The following RBM5 variants were observed in gnomAD, a reference collection of about 807,000 sequenced individuals.
RBM5 encodes RNA-binding protein 5.
RBM5 carries 15 observed loss-of-function variants against 124.6 expected under a neutral mutation model. The observed-to-expected ratio is 0.12, with a 90% CI of 0.08 to 0.19. The LOEUF (loss-of-function observed/expected upper bound fraction) is 0.19. Among genes scored for constraint, RBM5 ranks in the 10% least tolerant of loss-of-function variants. The pLI is 1.00. For missense variants in RBM5, 580 were observed against 1,026.5 expected (o/e 0.57, Z 5.94); for synonymous variants, 337 against 361.2 (o/e 0.93, Z 0.76).
rs527777338 is a variant in RBM5 at position 50,104,934 on chromosome 3, T to C, written c.629-143T>C. 42 of 626,640 alleles carry C rather than the reference T, an allele frequency of 6.7e-5. 1 individual carries two copies. In the East Asian group the frequency reaches 1.1e-3, roughly 17 times the overall value. 38.8% of individuals were successfully genotyped at this position (626,640 alleles called of 1,614,324 possible). Reference sequence around the variant, plus strand: ...GTTAACCAAGTCACAATTAATGAGGTTTTACTATAGGCACAAATGCTTAAA... The same window carrying C: ...GTTAACCAAGTCACAATTAATGAGGCTTTACTATAGGCACAAATGCTTAAA... On this transcript the variant is annotated intron_variant, in intron 8 of 24. Transcript: ENST00000347869.
chr3:50,111,012 T>A (rs2091133924), intron 17 of RBM5: 1 of 505,240 alleles, frequency 2.0e-6, no homozygotes, highest in African/African-American at 1.9e-5. Context: ...TGCAATTCTT[T>A]GAATGTTTAT....
intron 4 of RBM5, among the ~76,000 whole-genome samples, chr3:50,096,693 C>T (rs2090823214): frequency 6.6e-6 from 1 of 151,320 alleles, no homozygotes; most frequent in South Asian, 2.1e-4. Context: ...GGGGCTCAGG[C>T]AATCCACCAG....
At position 50,109,903 on chromosome 3, in the gene RBM5, T is replaced by C. The variant is rs2091110943; in HGVS notation, c.1278+215T>C. ...CAACTGTGTATTTACACTTTATGCA[T>C]GCTTGACCTTTAGAAAGTTGTCGCC... On this transcript the variant is annotated intron_variant, in intron 15 of 24. Coordinates refer to ENST00000347869, the MANE Select transcript of RBM5 (RefSeq NM_005778.4). 9 of 455,084 alleles carry C rather than the reference T, an allele frequency of 2.0e-5. No homozygotes were observed. In the East Asian group the frequency reaches 3.0e-4, roughly 15 times the overall value. The allele number at this position is 455,084 out of a possible 1,614,324, so 28.2% of individuals were successfully genotyped here.
chr3:50,099,451 T>A (rs1470795055), intron 4 of RBM5, among the ~76,000 whole-genome samples: 2 of 152,036 alleles, frequency 1.3e-5, no homozygotes, highest in Non-Finnish European at 2.9e-5. Context: ...GGGTCATGCA[T>A]GTAATGATAT....
chr3:50,107,502 G>A lies in RBM5; in HGVS notation c.974G>A (p.Gly325Asp). 6.2e-7 allele frequency: 1 copy of A among 1,606,052 alleles called. No individual in the cohort carries two copies. Among genetic ancestry groups the A allele is most frequent in the Non-Finnish European group, 8.5e-7 (1 of 1,172,844 alleles). The change falls in exon 12 of 25, where the codon GGT becomes GAT. Residue 325 changes from glycine (G) to aspartate (D), a missense_variant. Physicochemically the swap from Gly to Asp is moderately conservative, Grantham distance 94 (BLOSUM62 -1). Transcript: ENST00000347869. Reference protein sequence around the residue: ...SARKDLVLSDGNRVSAFSVAS... With the variant: ...SARKDLVLSDDNRVSAFSVAS... ...TTCAGAGACTTGGTCCTCTCAGATGGTAACCGCGTCAGCGCTTTCTCTGTA... is the reference window on the plus strand; with the variant it reads ...TTCAGAGACTTGGTCCTCTCAGATGATAACCGCGTCAGCGCTTTCTCTGTA...
intron 4 of RBM5, among the ~76,000 whole-genome samples, chr3:50,095,653 G>T (rs1233443603): frequency 6.6e-6 from 1 of 151,688 alleles, no homozygotes. Flanking sequence ...GATCTATCGG[G>T]CAGAGCTTCT....
rs746294216 is a variant in RBM5 at position 50,107,583 on chromosome 3, T to C, written c.1041+14T>C. On this transcript the variant is annotated intron_variant, in intron 12 of 24. Transcript: ENST00000347869. ...TCATCCACCCAGGTAAGATCGAGGA[T>C]CTTTTTGCTCAAGGTAGTGTGGTGG... is the stretch of plus-strand genomic sequence containing the variant. The C allele has an allele frequency of 1.3e-6, 2 of 1,581,344 alleles. No homozygotes were observed.
intron 4 of RBM5, among the ~76,000 whole-genome samples, chr3:50,098,763 A>G (rs559764539): frequency 1.5e-4 from 23 of 151,998 alleles, no homozygotes; most frequent in African/African-American, 5.5e-4. Flanking sequence ...ATTTTTGTAT[A>G]CAGATGGGGT....
Position 50,114,219 on chromosome 3 carries a change from G to A in RBM5, c.1807G>A (p.Val603Met). 6.2e-7 allele frequency: 1 copy of A among 1,612,052 alleles called. No individual in the cohort carries two copies. The highest frequency in any genetic ancestry group is 8.5e-7 in the Non-Finnish European group (1 of 1,179,514). ...AERQQLIPEL[V>M]RNGDEENPLK... ...AAGGCAGCAGCTCATCCCAGAATTG[G>A]TGCGAAATGGAGATGAGGAGAATCC... Residue 603 changes from valine to methionine, a missense_variant, in exon 20 of 25, where the codon GTG becomes ATG. This residue lies in a region of RBM5 where 234 missense variants were observed against 435.1 expected (regional missense o/e 0.54). Coordinates refer to ENST00000347869, the MANE Select transcript of RBM5 (RefSeq NM_005778.4).
rs778418794 is a variant in RBM5 at position 50,118,444 on chromosome 3, T to A, written c.2436T>A (p.Thr812=). The A allele has an allele frequency of 1.4e-5, 22 of 1,613,368 alleles. No individual in the cohort carries two copies. The highest frequency in any genetic ancestry group is 1.7e-5 in the Non-Finnish European group (20 of 1,179,958). Residue 812 remains threonine (T), a synonymous_variant, in exon 25 of 25, where the codon ACT becomes ACA. Coordinates refer to ENST00000347869, the MANE Select transcript of RBM5 (RefSeq NM_005778.4). ...AVRKAMFARF[T]EME The stretch of plus-strand genomic sequence containing the variant: ...GGAAAGCCATGTTTGCCCGGTTCAC[T>A]GAGATGGAGTGAGAGAGAGAGAGAG...
rs2090912280 is a variant in RBM5, at chr3:50,100,237, T to G, written c.409+186T>G. 1.6e-6 allele frequency: 1 copy of G among 628,836 alleles called. No homozygotes were observed. Among genetic ancestry groups the G allele is most frequent in the East Asian group, 2.9e-5 (1 of 34,314 alleles). 39.0% of individuals were successfully genotyped at this position (628,836 alleles called of 1,614,324 possible). On this transcript the variant is annotated intron_variant, in intron 5 of 24. Coordinates refer to ENST00000347869, the MANE Select transcript of RBM5 (RefSeq NM_005778.4). The surrounding 1 kb of genome is among the most constrained non-coding windows in gnomAD (Gnocchi z 5.1). ...TGAGGAACTTTTTTAAACTTTGTTTTAGGGACTTTTTTTTCCTTAGGTAAG... is the reference window on the plus strand; with the variant it reads ...TGAGGAACTTTTTTAAACTTTGTTTGAGGGACTTTTTTTTCCTTAGGTAAG...
intron 1 of RBM5, among the ~76,000 whole-genome samples, chr3:50,089,671 T>A (rs1220297160): frequency 6.6e-6 from 1 of 152,130 alleles, no homozygotes; most frequent in Non-Finnish European, 1.5e-5. Context: ...CGCTCTAGAC[T>A]AGGCTTCCAG....
chr3:50,109,943 TGG>T (rs1221305976), intron 15 of RBM5: 2 of 355,476 alleles, frequency 5.6e-6, no homozygotes, highest in Admixed American at 4.3e-5. Flanking sequence ...CCGGGTGTGG[TGG>T]CTCGCGCCTG....
chr3:50,107,524 T>G lies in RBM5; in HGVS notation c.996T>G (p.Ser332=). 5 of 1,611,054 alleles carry G rather than the reference T, an allele frequency of 3.1e-6. No individual in the cohort carries two copies. Among genetic ancestry groups the G allele is most frequent in the Non-Finnish European group, 4.2e-6 (5 of 1,177,224 alleles). ...ATGGTAACCGCGTCAGCGCTTTCTCTGTAGCTAGTACGGCTATTGCTGCTG... is the reference window on the plus strand; with the variant it reads ...ATGGTAACCGCGTCAGCGCTTTCTCGGTAGCTAGTACGGCTATTGCTGCTG... The part of the protein sequence containing the change: ...LSDGNRVSAF[S]VASTAIAAAQ... Residue 332 remains serine (S), a synonymous_variant, in exon 12 of 25, where the codon TCT becomes TCG. Transcript: ENST00000347869.
Position 50,105,059 on chromosome 3 carries a change from G to A in RBM5, c.629-18G>A. On this transcript the variant is annotated intron_variant, in intron 8 of 24. Transcript: ENST00000347869. ...TACATTAGTTGTTTGTCTCTAATTG[G>A]ATCACTTTCCCTTCTAGACTCTGAA... 1 of 1,534,350 alleles carries A rather than the reference G, an allele frequency of 6.5e-7. No homozygotes were observed. Among genetic ancestry groups the A allele is most frequent in the Non-Finnish European group, 9.0e-7 (1 of 1,111,242 alleles).
intron 4 of RBM5, among the ~76,000 whole-genome samples, chr3:50,097,593 G>A (rs1206324213): frequency 6.6e-6 from 1 of 151,310 alleles, no homozygotes; most frequent in Non-Finnish European, 1.5e-5. Flanking sequence ...TTTTTTTCAT[G>A]GTAGTATTCA....
intron 14 of RBM5, among the ~76,000 whole-genome samples, chr3:50,109,226 A>G (rs2091097503): frequency 6.6e-6 from 1 of 152,032 alleles, no homozygotes; most frequent in African/African-American, 2.4e-5. Context: ...GGTGCCTGCC[A>G]CCACTCCCGG....
At chr3:50,106,441 AT>A (rs1345451689) in intron 10 of RBM5, among the ~76,000 whole-genome samples, 7 of 151,996 alleles carry the variant, frequency 4.6e-5, no homozygotes, top group Non-Finnish European at 1.0e-4. Context: ...TAATTTTTGT[AT>A]TTTTAGTAGA....
Position 50,103,113 on chromosome 3 carries a change from G to A in RBM5, c.514G>A (p.Ala172Thr). The part of the protein sequence containing the change: ...KKLVIQGKHI[A>T]MHYSNPRPKF... ...GTTGGTGATTCAAGGAAAGCACATT[G>A]CAATGCATTATAGCAATCCCAGACC... The change falls in exon 7 of 25, where the codon GCA (alanine) becomes ACA (threonine). Residue 172 changes from alanine (A) to threonine (T), a missense_variant. By Grantham distance (58) the Ala-to-Thr change is moderately conservative. This residue lies in a region of RBM5 where 101 missense variants were observed against 223.2 expected (regional missense o/e 0.45). Coordinates refer to ENST00000347869, the MANE Select transcript of RBM5 (RefSeq NM_005778.4). 1.2e-6 allele frequency: 2 copies of A among 1,612,276 alleles called. No homozygotes were observed. Among genetic ancestry groups the A allele is most frequent in the African/African-American group, 1.3e-5 (1 of 75,008 alleles).
Sources: gnomAD v4.1 joint callset for allele counts (sites outside exome capture counted in the v4.1 genomes callset) on GRCh38, gnomAD v4.1.1 for gene constraint, gnomAD v4.1.1 regional missense constraint, Gnocchi (gnomAD v3.1) non-coding constraint, MANE v1.5 for transcripts, NCBI Gene and HGNC (gene_info 2026-07-23, HGNC 2026-07-21) for gene names.